FAM78B: variants seen among roughly 807,000 people sequenced by gnomAD.
The protein encoded by FAM78B is protein FAM78B.
FAM78B carries 10 observed loss-of-function variants against 20.0 expected under a neutral mutation model. The observed-to-expected ratio is 0.50, with a 90% CI of 0.31 to 0.85. The LOEUF (loss-of-function observed/expected upper bound fraction) is 0.85, where lower values mean the gene tolerates loss of function less well. Among genes scored for constraint, FAM78B ranks in the 40% least tolerant of loss-of-function variants. The pLI is 0.05. For missense variants in FAM78B, 283 were observed against 345.0 expected, an observed-to-expected ratio of 0.82 and a Z score of 1.42; for synonymous variants, 135 against 132.8, an observed-to-expected ratio of 1.02 and a Z score of -0.12.
intron 1 of FAM78B, among the ~76,000 whole-genome samples, chr1:166,090,522 C>T (rs993427940): frequency 6.6e-6 from 1 of 152,194 alleles, no homozygotes; most frequent in African/African-American, 2.4e-5. Flanking sequence ...GCTATTAACT[C>T]GGTCCTTTCA....
intron 1 of FAM78B, among the ~76,000 whole-genome samples, chr1:166,119,765 T>C (rs1057078787): frequency 6.6e-6 from 1 of 152,168 alleles, no homozygotes; most frequent in Non-Finnish European, 1.5e-5. Flanking sequence ...GTCAAAAGAA[T>C]AAAGGACGCG....
At chr1:166,164,499 C>G (rs1656280450) in intron 1 of FAM78B, among the ~76,000 whole-genome samples, 1 of 152,230 alleles carries the variant, frequency 6.6e-6, no homozygotes, top group Admixed American at 6.5e-5. Context: ...GCTGTCTTCT[C>G]TGGAAGAATA....
rs139807406 is a variant in FAM78B at position 166,080,135 on chromosome 1, C to T, written c.264-9372G>A. ...CCCAAGGTCTGATTCTAAACACATGCTTTCTCATGATGCCTCCCTAGTACA... is the reference window on the plus strand; with the variant it reads ...CCCAAGGTCTGATTCTAAACACATGTTTTCTCATGATGCCTCCCTAGTACA... On this transcript the variant is annotated intron_variant, in intron 1 of 1. Coordinates refer to ENST00000354422, the MANE Select transcript of FAM78B (RefSeq NM_001017961.5). 1.2e-4 allele frequency among the ~76,000 whole-genome samples: 18 copies of T among 152,300 alleles called. 1 individual carries two copies. Among genetic ancestry groups the T allele is most frequent in the South Asian group, 4.2e-4 (2 of 4,818 alleles).
At chr1:166,147,493 G>C (rs1461158663) in intron 1 of FAM78B, among the ~76,000 whole-genome samples, 1 of 152,200 alleles carries the variant, frequency 6.6e-6, no homozygotes, top group Admixed American at 6.5e-5. Context: ...AGGCTGGATG[G>C]GAAATTACAG....
At chr1:166,119,709 T>C (rs921040584) in intron 1 of FAM78B, among the ~76,000 whole-genome samples, 2 of 152,230 alleles carry the variant, frequency 1.3e-5, no homozygotes, top group Non-Finnish European at 2.9e-5. Flanking sequence ...CAGGAATGAA[T>C]ATTCATCCAA....
chr1:166,129,573 C>T (rs1400668219), intron 1 of FAM78B, among the ~76,000 whole-genome samples: 1 of 152,162 alleles, frequency 6.6e-6, no homozygotes, highest in Non-Finnish European at 1.5e-5. Flanking sequence ...TTTACCTTGG[C>T]CCTTCTCCAG....
At chr1:166,146,835 T>A (rs138182848) in intron 1 of FAM78B, among the ~76,000 whole-genome samples, 1 of 152,176 alleles carries the variant, frequency 6.6e-6, no homozygotes, top group Non-Finnish European at 1.5e-5. Flanking sequence ...TGGCAGGAGT[T>A]ATCCTGAGCT....
chr1:166,150,761 T>C (rs1426294901), intron 1 of FAM78B, among the ~76,000 whole-genome samples: 2 of 152,158 alleles, frequency 1.3e-5, no homozygotes, highest in African/African-American at 2.4e-5. Flanking sequence ...TGGGATCTTA[T>C]GGACAACAAG....
intron 1 of FAM78B, among the ~76,000 whole-genome samples, chr1:166,156,942 A>G (rs1655919428): frequency 6.7e-6 from 1 of 148,286 alleles, no homozygotes; most frequent in African/African-American, 2.5e-5. Context: ...AGGGATTAGG[A>G]GCAGCCAGGG....
chr1:166,090,515 A>G (rs532673453), intron 1 of FAM78B, among the ~76,000 whole-genome samples: 26 of 152,322 alleles, frequency 1.7e-4, no homozygotes, highest in African/African-American at 6.3e-4. Context: ...GTCACAGGCT[A>G]TTAACTCGGT....
chr1:166,163,831 A>G (rs1656250990), intron 1 of FAM78B, among the ~76,000 whole-genome samples: 1 of 152,230 alleles, frequency 6.6e-6, no homozygotes, highest in African/African-American at 2.4e-5. Context: ...AATATGCTTT[A>G]TGATTTATTG....
chr1:166,109,908 A>ATG (rs1418433170), intron 1 of FAM78B, among the ~76,000 whole-genome samples: 3 of 96,890 alleles, frequency 3.1e-5, no homozygotes, highest in Non-Finnish European at 4.4e-5. Context: ...ATATATATAT[A>ATG]TATATATATA....
intron 1 of FAM78B, among the ~76,000 whole-genome samples, chr1:166,095,331 G>A (rs540454013): frequency 6.6e-6 from 1 of 152,198 alleles, no homozygotes; most frequent in South Asian, 2.1e-4. Flanking sequence ...AAGCTATCAT[G>A]GGTGAGAAGA....
In FAM78B at chr1:166,096,469, T is replaced by TC. The variant is rs752433687; in HGVS notation, c.264-25707dup. On this transcript the variant is annotated intron_variant, in intron 1 of 1. Transcript: ENST00000354422. ...AAAACGACTTTATGTGCACAACCTC[T>TC]CGATGGTTGGTCAGTGGTAGCATTT... 2.6e-5 allele frequency among the ~76,000 whole-genome samples: 4 copies of TC among 152,284 alleles called. No individual in the cohort carries two copies. The East Asian group carries it at 7.7e-4, about 29-fold the overall frequency.
At chr1:166,094,162 A>T (rs1653185369) in intron 1 of FAM78B, among the ~76,000 whole-genome samples, 2 of 152,126 alleles carry the variant, frequency 1.3e-5, no homozygotes, top group Non-Finnish European at 2.9e-5. Context: ...CCGGAGCAGA[A>T]GCCATCAGAA....
chr1:166,144,773 A>G (rs1319974272), intron 1 of FAM78B, among the ~76,000 whole-genome samples: 4 of 152,154 alleles, frequency 2.6e-5, no homozygotes, highest in African/African-American at 9.7e-5. Context: ...AAAGCACATC[A>G]AAGGTATAGA....
chr1:166,147,439 C>A (rs535077519), intron 1 of FAM78B, among the ~76,000 whole-genome samples: 2 of 152,170 alleles, frequency 1.3e-5, no homozygotes, highest in Non-Finnish European at 2.9e-5. Flanking sequence ...TAAGTTAGAA[C>A]CCATAAGGAT....
intron 1 of FAM78B, among the ~76,000 whole-genome samples, chr1:166,162,122 C>G (rs1013958579): frequency 6.6e-6 from 1 of 152,210 alleles, no homozygotes; most frequent in Non-Finnish European, 1.5e-5. Context: ...GCTGCTGAAA[C>G]GGTGAGTCTC....
At chr1:166,135,154 C>T (rs1655022955) in intron 1 of FAM78B, among the ~76,000 whole-genome samples, 2 of 152,198 alleles carry the variant, frequency 1.3e-5, no homozygotes, top group Non-Finnish European at 2.9e-5. Flanking sequence ...TGACTTCCAG[C>T]TAGAACTACT....
Sources: gnomAD v4.1 joint callset for allele counts (sites outside exome capture counted in the v4.1 genomes callset) on GRCh38, gnomAD v4.1.1 for gene constraint, MANE v1.5 for transcripts, NCBI Gene and HGNC (gene_info 2026-07-23, HGNC 2026-07-21) for gene names.